The following NECTIN2 variants were observed in gnomAD, a reference collection of about 807,000 sequenced individuals.
NECTIN2 encodes nectin cell adhesion molecule 2.
NECTIN2 carries 23 observed loss-of-function variants against 56.9 expected under a neutral mutation model. The observed-to-expected ratio is 0.40, with a 90% confidence interval of 0.29 to 0.57. The LOEUF (loss-of-function observed/expected upper bound fraction) is 0.57. Among genes scored for constraint, NECTIN2 ranks in the 20% least tolerant of loss-of-function variants. The probability of loss-of-function intolerance (pLI) is 0.38; values close to 1 mark genes in which losing one functional copy is unlikely to be tolerated. For missense variants in NECTIN2, 587 were observed against 718.3 expected, an observed-to-expected ratio of 0.82 and a Z score of 2.09; for synonymous variants, 302 against 313.8, an observed-to-expected ratio of 0.96 and a Z score of 0.40.
intron 2 of NECTIN2, among the ~76,000 whole-genome samples, chr19:44,868,887 G>A (rs1969136579): frequency 6.6e-6 from 1 of 151,146 alleles, no homozygotes; most frequent in South Asian, 2.1e-4. Flanking sequence ...ACTCCAGCCT[G>A]GGCGACAGAG....
chr19:44,885,043 C>G (rs1435226500), intron 6 of NECTIN2, among the ~76,000 whole-genome samples: 4 of 151,580 alleles, frequency 2.6e-5, no homozygotes, highest in Admixed American at 2.0e-4. Flanking sequence ...TTTTCCCAGG[C>G]TGGAGTGCAA....
chr19:44,865,671 T>G lies in NECTIN2; in HGVS notation c.478+11T>G, dbSNP rs530470642. 55 of 1,507,692 alleles carry G rather than the reference T, an allele frequency of 3.6e-5. 1 individual carries two copies. In the South Asian group the frequency reaches 5.8e-4, roughly 16 times the overall value. 93.4% of individuals were successfully genotyped at this position (1,507,692 alleles called of 1,614,324 possible). On this transcript the variant is annotated intron_variant, in intron 2 of 8. Transcript: ENST00000252483. The surrounding 1 kb of genome is among the most constrained non-coding windows in gnomAD (Gnocchi z 5.2). ...GGCTCAGAGTCATAGGTGAGCAGGGTAAGGGCGGGAGGCAAGGAGGTGGGA... is the reference window on the plus strand; with the variant it reads ...GGCTCAGAGTCATAGGTGAGCAGGGGAAGGGCGGGAGGCAAGGAGGTGGGA...
rs1255673098 is a variant in NECTIN2 at position 44,846,358 on chromosome 19, GGGGAGAGCTGGGCC to G, written c.-159_-146del. The stretch of plus-strand genomic sequence containing the variant: ...AGAGGCCGGGGGTGCCGAGCCGGGC[GGGGAGAGCTGGGCC>G]GGGAGAGCAGAACAGGGAGGCTAGA... On this transcript the variant is annotated 5_prime_UTR_variant, in exon 1 of 9. Transcript: ENST00000252483. The G allele has an allele frequency of 2.5e-6, 2 of 812,688 alleles. No homozygotes were observed. The highest frequency in any genetic ancestry group is 3.5e-6 in the Non-Finnish European group (2 of 578,674). 50.3% of individuals were successfully genotyped at this position (812,688 alleles called of 1,614,324 possible). A position where few individuals can be genotyped will look rare whatever the true frequency, so the allele number is the denominator to read the frequency against.
chr19:44,865,495 T>A lies in NECTIN2; in HGVS notation c.313T>A (p.Phe105Ile). 6.2e-7 allele frequency: 1 copy of A among 1,606,840 alleles called. No homozygotes were observed. Among genetic ancestry groups the A allele is most frequent in the South Asian group, 1.1e-5 (1 of 90,128 alleles). ...GAAGCCTGGCAGCGAGCGGCTGTCCTTCGTCTCTGCCAAGCAGAGCACTGG... is the reference window on the plus strand; with the variant it reads ...GAAGCCTGGCAGCGAGCGGCTGTCCATCGTCTCTGCCAAGCAGAGCACTGG... The part of the protein sequence containing the change: ...SPKPGSERLS[F>I]VSAKQSTGQD... The change falls in exon 2 of 9, where the codon TTC becomes ATC. Residue 105 changes from phenylalanine (F) to isoleucine (I), a missense_variant. Phe to Ile is a conservative substitution (Grantham distance 21, BLOSUM62 0). Transcript: ENST00000252483. This position sits in a 1 kb window ranked among gnomAD's most constrained non-coding sequence, Gnocchi z 5.2.
At chr19:44,848,361 A>G (rs1213110971) in intron 1 of NECTIN2, among the ~76,000 whole-genome samples, 1 of 152,182 alleles carries the variant, frequency 6.6e-6, no homozygotes, top group Non-Finnish European at 1.5e-5. Flanking sequence ...CAGGCTCAGC[A>G]AAGGCAAGCA....
Position 44,872,153 on chromosome 19 carries a change from A to G in NECTIN2, c.775+4A>G. 1 of 1,610,788 alleles carries G rather than the reference A, an allele frequency of 6.2e-7. No individual in the cohort carries two copies. On this transcript the variant is annotated splice_donor_region_variant and intron_variant, in intron 3 of 8. Transcript: ENST00000252483. The stretch of plus-strand genomic sequence containing the variant: ...CCTGTGACCCTCTCTGTACGCTGTG[A>G]GTGTATCGGGGGTGACCCCTCCCCC...
chr19:44,865,928 T>C lies in NECTIN2; in HGVS notation c.478+268T>C, dbSNP rs1182978652. The stretch of plus-strand genomic sequence containing the variant: ...TGGCCCACCCCTGTAATCCTAGCAC[T>C]TTGGAAGGCCGAGATGGGCAGATCG... On this transcript the variant is annotated intron_variant, in intron 2 of 8. Transcript: ENST00000252483. This position sits in a 1 kb window ranked among gnomAD's most constrained non-coding sequence, Gnocchi z 5.2. 6.6e-6 allele frequency among the ~76,000 whole-genome samples: 1 copy of C among 152,136 alleles called. No individual in the cohort carries two copies. Among genetic ancestry groups the C allele is most frequent in the Non-Finnish European group, 1.5e-5 (1 of 68,020 alleles).
rs532354002 is a variant in NECTIN2, at chr19:44,863,077, G to T, written c.89-2194G>T. 1.1e-4 allele frequency among the ~76,000 whole-genome samples: 16 copies of T among 151,832 alleles called. No individual in the cohort carries two copies. In the South Asian group the frequency reaches 2.1e-3, roughly 20 times the overall value. On this transcript the variant is annotated intron_variant, in intron 1 of 8. Coordinates refer to ENST00000252483, the MANE Select transcript of NECTIN2 (RefSeq NM_001042724.2). ...CTCGGGAGGCTGAGGCAGGAGAATTGCTTGAAATTGGGAGGTGGAGGTTGC... is the reference window on the plus strand; with the variant it reads ...CTCGGGAGGCTGAGGCAGGAGAATTTCTTGAAATTGGGAGGTGGAGGTTGC...
chr19:44,888,299 T>G lies in NECTIN2; in HGVS notation c.1537T>G (p.Tyr513Asp). The G allele has an allele frequency of 6.2e-7, 1 of 1,614,008 alleles. No homozygotes were observed. Among genetic ancestry groups the G allele is most frequent in the Non-Finnish European group, 8.5e-7 (1 of 1,179,922 alleles). Reference protein sequence around the residue: ...EEYLDKINPIYDALSYSSPSD... With the variant: ...EEYLDKINPIDDALSYSSPSD... ...GTATCTGGACAAGATCAACCCCATC[T>G]ATGATGCTCTGTCCTATAGCAGCCC... The change falls in exon 9 of 9, where the codon TAT (tyrosine) becomes GAT (aspartate). Residue 513 changes from tyrosine to aspartate, a missense_variant. Coordinates refer to ENST00000252483, the MANE Select transcript of NECTIN2 (RefSeq NM_001042724.2).
intron 1 of NECTIN2, among the ~76,000 whole-genome samples, chr19:44,856,896 G>A (rs1000144131): frequency 1.3e-5 from 2 of 152,218 alleles, no homozygotes; most frequent in African/African-American, 4.8e-5. Context: ...AAGCAAACAT[G>A]CACCACAGTC....
chr19:44,849,813 G>C (rs1292386373), intron 1 of NECTIN2, among the ~76,000 whole-genome samples: 1 of 152,158 alleles, frequency 6.6e-6, no homozygotes, highest in Non-Finnish European at 1.5e-5. Context: ...AGAGGAAAGA[G>C]GAAGAGAGTG....
chr19:44,871,514 C>G (rs897700225), intron 2 of NECTIN2, among the ~76,000 whole-genome samples: 1 of 151,942 alleles, frequency 6.6e-6, no homozygotes, highest in Non-Finnish European at 1.5e-5. Context: ...GGTGACAGAG[C>G]GGGCCCCTGT....
chr19:44,855,067 G>A (rs941938536), intron 1 of NECTIN2, among the ~76,000 whole-genome samples: 43 of 145,970 alleles, frequency 2.9e-4, no homozygotes, highest in African/African-American at 1.0e-3. Context: ...GCAGTGAGCC[G>A]AGATCGCGCT....
intron 5 of NECTIN2, among the ~76,000 whole-genome samples, chr19:44,877,971 G>A (rs1034517558): frequency 1.3e-5 from 2 of 152,106 alleles, no homozygotes; most frequent in African/African-American, 4.8e-5. Context: ...GGGGACCACC[G>A]GTTGGCATCC....
At chr19:44,851,688 C>T (rs1285645307) in intron 1 of NECTIN2, among the ~76,000 whole-genome samples, 1 of 152,234 alleles carries the variant, frequency 6.6e-6, no homozygotes, top group East Asian at 1.9e-4. Context: ...ATGAAGCTGT[C>T]ACCAGTCTGG....
chr19:44,884,242 A>C (rs1004443130), intron 6 of NECTIN2, among the ~76,000 whole-genome samples: 1 of 152,160 alleles, frequency 6.6e-6, no homozygotes, highest in African/African-American at 2.4e-5. Context: ...GCTCACTGCA[A>C]CCTTCGCCTC....
intron 2 of NECTIN2, among the ~76,000 whole-genome samples, chr19:44,868,460 CT>C (rs1229362442): frequency 7.6e-6 from 1 of 130,980 alleles, no homozygotes; most frequent in Non-Finnish European, 1.6e-5. Context: ...TTTTCTTTTC[CT>C]TTTTCTTTTT....
At chr19:44,848,218 G>T (rs564422102) in intron 1 of NECTIN2, among the ~76,000 whole-genome samples, 5 of 152,192 alleles carry the variant, frequency 3.3e-5, no homozygotes, top group Admixed American at 2.0e-4. Flanking sequence ...ATCAGAACTG[G>T]CACCTCTGGG....
chr19:44,863,411 G>T (rs1298907477), intron 1 of NECTIN2, among the ~76,000 whole-genome samples: 1 of 152,150 alleles, frequency 6.6e-6, no homozygotes, highest in African/African-American at 2.4e-5. Flanking sequence ...CTGGGAGACA[G>T]AGTGAGACCC....
Sources: gnomAD v4.1 joint callset for allele counts (sites outside exome capture counted in the v4.1 genomes callset) on GRCh38, gnomAD v4.1.1 for gene constraint, Gnocchi (gnomAD v3.1) non-coding constraint, MANE v1.5 for transcripts, NCBI Gene and HGNC (gene_info 2026-07-23, HGNC 2026-07-21) for gene names.